Variants in PDE1C observed in about 807,000 individuals in gnomAD.
PDE1C encodes the protein dual specificity calcium/calmodulin-dependent 3',5'-cyclic nucleotide phosphodiesterase 1C.
Under a neutral mutation model 93.1 loss-of-function variants are expected in PDE1C, and 62 were observed. That is an observed-to-expected ratio of 0.67 (90% CI 0.54 to 0.82). The LOEUF (loss-of-function observed/expected upper bound fraction) is 0.82. Among genes scored for constraint, PDE1C ranks in the 40% least tolerant of loss-of-function variants. The pLI is 0.00. For missense variants in PDE1C, 742 were observed against 884.6 expected, an observed-to-expected ratio of 0.84 and a Z score of 2.04; for synonymous variants, 325 against 310.1, an observed-to-expected ratio of 1.05 and a Z score of -0.50.
At chr7:31,975,903 C>T (rs1399443706) in intron 2 of PDE1C, among the ~76,000 whole-genome samples, 1 of 152,192 alleles carries the variant, frequency 6.6e-6, no homozygotes, top group Non-Finnish European at 1.5e-5. Context: ...CCACATTTAA[C>T]CGAAAAGTGA....
the PDE1C span, among the ~76,000 whole-genome samples, chr7:31,731,657 A>C: frequency 6.6e-6 from 1 of 152,154 alleles, no homozygotes; most frequent in Admixed American, 6.5e-5. Context: ...CAAAGTACTG[A>C]GATGACAGGC....
chr7:31,822,953 A>G (rs745439626), intron 14 of PDE1C, 120 bp downstream of exon 14: 97 of 781,836 alleles, frequency 1.2e-4, no homozygotes, highest in Non-Finnish European at 1.9e-4. Flanking sequence ...GGTAGATTCT[A>G]ATATTCGGCA....
At chr7:31,721,155 T>TA in the PDE1C span, among the ~76,000 whole-genome samples, 1 of 152,116 alleles carries the variant, frequency 6.6e-6, no homozygotes, top group Non-Finnish European at 1.5e-5. Flanking sequence ...GCTCAGCCCT[T>TA]ATTGAAAGGG....
At chr7:32,259,089 A>G (rs1810013321) in intron 1 of PDE1C, among the ~76,000 whole-genome samples, 1 of 152,114 alleles carries the variant, frequency 6.6e-6, no homozygotes, top group Admixed American at 6.5e-5. Flanking sequence ...CTGGAAAGAC[A>G]TTTTTACATT....
At chr7:32,252,079 C>T (rs571154942) in intron 1 of PDE1C, among the ~76,000 whole-genome samples, 3 of 152,342 alleles carry the variant, frequency 2.0e-5, no homozygotes, top group Non-Finnish European at 4.4e-5. Context: ...ATGCAAATTT[C>T]AATTATTCAG....
chr7:31,985,860 G>T (rs1783334769), intron 2 of PDE1C, among the ~76,000 whole-genome samples: 1 of 152,098 alleles, frequency 6.6e-6, no homozygotes, highest in Admixed American at 6.5e-5. Context: ...TTGCTATTGT[G>T]AATAGTGCCA....
chr7:31,982,099 C>T (rs1812464673), intron 2 of PDE1C, among the ~76,000 whole-genome samples: 1 of 152,170 alleles, frequency 6.6e-6, no homozygotes. Flanking sequence ...ACTGTGCTTT[C>T]CATCAGCAAA....
intron 1 of PDE1C, among the ~76,000 whole-genome samples, chr7:32,336,765 G>A (rs1289751731): frequency 6.6e-6 from 1 of 152,138 alleles, no homozygotes; most frequent in Non-Finnish European, 1.5e-5. Flanking sequence ...TTACACACTT[G>A]ACATTTGCAC....
chr7:31,652,695 T>G, the PDE1C span: 1 of 1,613,850 alleles, frequency 6.2e-7, no homozygotes, highest in Non-Finnish European at 8.5e-7. Flanking sequence ...TGGGACCCAG[T>G]TGGCTGCCTT....
intron 1 of PDE1C, among the ~76,000 whole-genome samples, chr7:32,225,526 GCTTGTAGGGGTT>G (rs1387705719): frequency 2.6e-5 from 4 of 152,160 alleles, no homozygotes; most frequent in Admixed American, 6.5e-5. Flanking sequence ...GAGACAGGAA[GCTTGTAGGGGTT>G]CTTGTGTTAG....
rs570546487 is a variant in PDE1C at position 32,246,024 on chromosome 7, C to T, written c.86-36485G>A. ...TTGCTCTGTCACCCAGATTGGAGTA[C>T]GTGGTGCAATCAGAGCTCACTGAAG... On this transcript the variant is annotated intron_variant, in intron 1 of 18. Coordinates refer to the PDE1C transcript ENST00000396193. Among the ~76,000 whole-genome samples, 558 of 138,664 alleles carry T rather than the reference C, an allele frequency of 4.0e-3. 4 individuals are homozygous for T. In the Middle Eastern group the frequency reaches 0.058, roughly 14 times the overall value. 91.0% of individuals were successfully genotyped at this position (138,664 alleles called of 152,430 possible).
At chr7:32,320,975 C>T (rs1248627587) in intron 1 of PDE1C, among the ~76,000 whole-genome samples, 3 of 152,192 alleles carry the variant, frequency 2.0e-5, no homozygotes, top group Admixed American at 6.5e-5. Flanking sequence ...TCACCCACTA[C>T]AGAGTCCTGA....
intron 2 of PDE1C, among the ~76,000 whole-genome samples, chr7:31,900,730 A>G (rs1799871883): frequency 6.6e-6 from 1 of 151,856 alleles, no homozygotes; most frequent in African/African-American, 2.4e-5. Flanking sequence ...AGCCCTATTG[A>G]CTTCTTGAGT....
chr7:32,000,065 A>G (rs945593905), intron 2 of PDE1C, among the ~76,000 whole-genome samples: 20 of 152,152 alleles, frequency 1.3e-4, no homozygotes, highest in African/African-American at 4.8e-4. Context: ...TCATCTGTGA[A>G]AAGGGAGATA....
chr7:31,863,252 A>G (rs1472698155), intron 7 of PDE1C, among the ~76,000 whole-genome samples: 17 of 152,070 alleles, frequency 1.1e-4, no homozygotes. Context: ...ACATTTTTCT[A>G]TTACACTCGT....
rs143414542 is a variant in PDE1C at position 32,283,725 on chromosome 7, C to T, written c.85+14926G>A. On this transcript the variant is annotated intron_variant, in intron 1 of 18. Transcript: ENST00000396193. ...TCACATAATGATCCAGTGACTTCAACGGTCCCGTCCCAATGCAGAGCTTTG... is the reference window on the plus strand; with the variant it reads ...TCACATAATGATCCAGTGACTTCAATGGTCCCGTCCCAATGCAGAGCTTTG... Among the ~76,000 whole-genome samples the T allele has an allele frequency of 3.2e-4, 48 of 152,296 alleles. No individual in the cohort carries two copies. In the East Asian group the frequency reaches 7.9e-3, roughly 25 times the overall value.
At chr7:31,813,776 A>T (rs930465666) in intron 15 of PDE1C, among the ~76,000 whole-genome samples, 42 of 151,958 alleles carry the variant, frequency 2.8e-4, no homozygotes, top group Non-Finnish European at 1.2e-4. Flanking sequence ...TATACGCTGA[A>T]CCCAATTTGT....
At chr7:31,972,620 T>C (rs781058017) in intron 2 of PDE1C, among the ~76,000 whole-genome samples, 26 of 152,310 alleles carry the variant, frequency 1.7e-4, no homozygotes, top group African/African-American at 5.3e-4. Flanking sequence ...CTGCTAAGTA[T>C]GACCCCAAAC....
At chr7:31,836,834 T>G (rs1179934216) in intron 11 of PDE1C, among the ~76,000 whole-genome samples, 2 of 152,092 alleles carry the variant, frequency 1.3e-5, no homozygotes, top group African/African-American at 2.4e-5. Context: ...ATTAACATCT[T>G]AATCCCATAG....
Sources: gnomAD v4.1 joint callset for allele counts (sites outside exome capture counted in the v4.1 genomes callset) on GRCh38, gnomAD v4.1.1 for gene constraint, MANE v1.5 for transcripts, NCBI Gene and HGNC (gene_info 2026-07-23, HGNC 2026-07-21) for gene names.